EIF2D: variants seen among roughly 807,000 people sequenced by gnomAD.
The protein encoded by EIF2D is hepatocellular carcinoma-associated antigen 56.
EIF2D carries 56 observed loss-of-function variants against 77.4 expected under a neutral mutation model. The observed-to-expected ratio is 0.72, with a 90% CI of 0.58 to 0.90. The LOEUF is 0.90. Ranked by LOEUF, EIF2D falls within the 40% of genes least tolerant of loss-of-function variation. EIF2D has a pLI of 0.00. For missense variants in EIF2D, 574 were observed against 706.5 expected, an observed-to-expected ratio of 0.81 and a Z score of 2.13; for synonymous variants, 230 against 271.0, an observed-to-expected ratio of 0.85 and a Z score of 1.49.
chr1:206,580,089 C>A (rs1553405951), intron 4 of EIF2D, among the ~76,000 whole-genome samples: 1 of 152,302 alleles, frequency 6.6e-6, no homozygotes, highest in East Asian at 1.9e-4. Flanking sequence ...TTTGAGTCAG[C>A]CCTGGAAGGC....
chr1:206,587,241 C>G, downstream of EIF2D: 1 of 428,578 alleles, frequency 2.3e-6, no homozygotes, highest in Non-Finnish European at 4.3e-6. Context: ...CTCTCTCGAT[C>G]TGCAAGCCTT....
At chr1:206,608,405 G>A (rs1478936038) in intron 3 of EIF2D, 79 bp from the exon 4 acceptor site, 16 of 1,191,148 alleles carry the variant, frequency 1.3e-5, no homozygotes, top group African/African-American at 6.2e-5. Context: ...TTCCTCACTC[G>A]CTCAACAAAA....
intron 2 of EIF2D, chr1:206,583,142 G>A (rs1398568879): frequency 4.1e-5 from 27 of 665,386 alleles, no homozygotes; most frequent in Non-Finnish European, 6.3e-5. Context: ...AGTCCGTGCA[G>A]TTAGTTCCAC....
At chr1:206,608,579 CAG>C (rs1449070685) in intron 3 of EIF2D, among the ~76,000 whole-genome samples, 2 of 152,206 alleles carry the variant, frequency 1.3e-5, no homozygotes, top group East Asian at 1.9e-4. Context: ...AAAGGTCAAA[CAG>C]AGTTTGAGTG....
intron 2 of EIF2D, 24 bp downstream of exon 2, chr1:206,611,160 G>A (rs1553413875): frequency 6.3e-7 from 1 of 1,591,094 alleles, no homozygotes; most frequent in Non-Finnish European, 8.6e-7. Flanking sequence ...AATGGTAATG[G>A]CCATCTTCGT....
At chr1:206,600,588 G>C (rs1285235692) in intron 7 of EIF2D, 1 of 383,962 alleles carries the variant, frequency 2.6e-6, no homozygotes, top group Non-Finnish European at 4.7e-6. Flanking sequence ...AGTACTTGAA[G>C]TGTGACTAAT....
At chr1:206,598,334 G>A (rs997685539) in intron 11 of EIF2D, among the ~76,000 whole-genome samples, 6 of 152,030 alleles carry the variant, frequency 3.9e-5, no homozygotes, top group Non-Finnish European at 7.4e-5. Flanking sequence ...CACAGTGTCC[G>A]GCCATTAAAG....
chr1:206,595,848 AAGTTATG>A lies in EIF2D; in HGVS notation c.1389-17_1389-11del, dbSNP rs1669621475. The A allele has an allele frequency of 6.2e-7, 1 of 1,613,692 alleles. No individual in the cohort carries two copies. On this transcript the variant is annotated splice_polypyrimidine_tract_variant and intron_variant, in intron 12 of 14. Coordinates refer to ENST00000271764, the MANE Select transcript of EIF2D (RefSeq NM_006893.3). ...TAATTTTTCCAAACACCTGAAACAG[AAGTTATG>A]AGTTGCAAACTGATAAAGCCAACAG...
At chr1:206,570,077 CCTTTTTTTT>C (rs781841172), downstream of EIF2D, among the ~76,000 whole-genome samples, 2 of 106,964 alleles carry the variant, frequency 1.9e-5, no homozygotes, top group African/African-American at 7.1e-5. Flanking sequence ...ATAAAATTTA[CCTTTTTTTT>C]TTTTTTTTTT....
rs1164927795 is a variant in EIF2D at position 206,597,216 on chromosome 1, A to G, written c.1293-21T>C. 5 of 1,588,354 alleles carry G rather than the reference A, an allele frequency of 3.1e-6. No individual in the cohort carries two copies. In the Admixed American group the frequency reaches 8.3e-5, roughly 27 times the overall value. On this transcript the variant is annotated intron_variant, in intron 11 of 14. Transcript: ENST00000271764. ...CAAGACTAAAGGGAAAGAAGAGGCA[A>G]TGAAGAAATCCTAGACTTGTCCCTT...
At chr1:206,583,936 GGTTTAAGTCTTAAAGGCT>G (rs1668995251) in intron 2 of EIF2D, among the ~76,000 whole-genome samples, 4 of 152,178 alleles carry the variant, frequency 2.6e-5, no homozygotes, top group Admixed American at 2.6e-4. Flanking sequence ...AATGCACCTA[GGTTTAAGTCTTAAAGGCT>G]GTTTCTTAGT....
At chr1:206,611,101 G>A (rs1028750381) in intron 2 of EIF2D, 83 bp downstream of exon 2, 26 of 1,327,886 alleles carry the variant, frequency 2.0e-5, no homozygotes, top group Non-Finnish European at 2.6e-5. Flanking sequence ...TATTTTATGG[G>A]AGACAATGGA....
chr1:206,575,205 C>T (rs1668595988), intron 4 of EIF2D, among the ~76,000 whole-genome samples: 1 of 152,156 alleles, frequency 6.6e-6, no homozygotes, highest in Non-Finnish European at 1.5e-5. Flanking sequence ...GCAAGCACAA[C>T]AGAAGCACCG....
At chr1:206,577,452 T>C (rs141812781) in intron 4 of EIF2D, among the ~76,000 whole-genome samples, 1 of 152,338 alleles carries the variant, frequency 6.6e-6, no homozygotes, top group East Asian at 1.9e-4. Flanking sequence ...CATTTGATTT[T>C]TACCTTCACA....
rs1669011819 is a variant in EIF2D at position 206,584,237 on chromosome 1, C to T, written c.139-3075G>A. 2.7e-6 allele frequency: 2 copies of T among 741,130 alleles called. No individual in the cohort carries two copies. The highest frequency in any genetic ancestry group is 3.6e-5 in the African/African-American group (2 of 56,286). 45.9% of individuals were successfully genotyped at this position (741,130 alleles called of 1,614,324 possible). The stretch of plus-strand genomic sequence containing the variant: ...CAGCCCACTATGGGGAAAGGGATCT[C>T]TGCTCCTTCCTCCAGCTCTCCCACG... On this transcript the variant is annotated intron_variant and NMD_transcript_variant, in intron 2 of 5. Coordinates refer to the EIF2D transcript ENST00000472709. The surrounding 1 kb of genome is among the most constrained non-coding windows in gnomAD (Gnocchi z 4.9).
rs1187419016 is a variant in EIF2D, at chr1:206,591,854, C to G, written c.1685-9G>C. Reference sequence around the variant, plus strand: ...AGGGAGCTGATACTCTTCTACAATCCAAAAAGCACACACTCCTCAGCGGAG... The same window carrying G: ...AGGGAGCTGATACTCTTCTACAATCGAAAAAGCACACACTCCTCAGCGGAG... On this transcript the variant is annotated splice_polypyrimidine_tract_variant and intron_variant, in intron 14 of 14. Transcript: ENST00000271764. The G allele has an allele frequency of 1.2e-6, 2 of 1,613,952 alleles. No individual in the cohort carries two copies. Among genetic ancestry groups the G allele is most frequent in the African/African-American group, 1.3e-5 (1 of 74,902 alleles).
Position 206,599,934 on chromosome 1 carries a change from G to A in EIF2D, c.949-98C>T. 1 of 1,193,726 alleles carries A rather than the reference G, an allele frequency of 8.4e-7. No homozygotes were observed. The highest frequency in any genetic ancestry group is 1.5e-5 in the African/African-American group (1 of 66,854). 73.9% of individuals were successfully genotyped at this position (1,193,726 alleles called of 1,614,324 possible). A position where few individuals can be genotyped will look rare whatever the true frequency, so the allele number is the denominator to read the frequency against. ...GAGTGAGCTAGGCAGGGACTGTGCA[G>A]GGATATGAGACAGCCCCTGCCTTCA... On this transcript the variant is annotated intron_variant, in intron 8 of 14. Transcript: ENST00000271764. The surrounding 1 kb of genome is among the most constrained non-coding windows in gnomAD (Gnocchi z 4.1).
At position 206,603,111 on chromosome 1, in the gene EIF2D, G is replaced by A. The variant is rs782481402; in HGVS notation, c.624C>T (p.Asp208=). The A allele has an allele frequency of 6.2e-7, 1 of 1,614,170 alleles. No individual in the cohort carries two copies. Among genetic ancestry groups the A allele is most frequent in the South Asian group, 1.1e-5 (1 of 91,076 alleles). The part of the protein sequence containing the change: ...LSEEKGSVQM[D]STLQGDMRHM... ...GCCTCATGTCTCCCTGCAGGGTGGA[G>A]TCCATCTGGACAGACCCCTTCTCTT... The change falls in exon 6 of 15, where the codon GAC becomes GAT. Residue 208 remains aspartate (D), a synonymous_variant. Coordinates refer to ENST00000271764, the MANE Select transcript of EIF2D (RefSeq NM_006893.3).
Position 206,591,668 on chromosome 1 carries a change from T to G in EIF2D, c.*107A>C. On this transcript the variant is annotated 3_prime_UTR_variant, in exon 15 of 15. Coordinates refer to ENST00000271764, the MANE Select transcript of EIF2D (RefSeq NM_006893.3). ...TTAGATTAGAATAAAAATTTATTTT[T>G]GTAAAGAATTATATTTTGTATTTGC... 9.8e-7 allele frequency: 1 copy of G among 1,023,398 alleles called. No individual in the cohort carries two copies. The highest frequency in any genetic ancestry group is 2.2e-5 in the Admixed American group (1 of 46,304). 63.4% of individuals were successfully genotyped at this position (1,023,398 alleles called of 1,614,324 possible). A position where few individuals can be genotyped will look rare whatever the true frequency, so the allele number is the denominator to read the frequency against.
Sources: gnomAD v4.1 joint callset for allele counts (sites outside exome capture counted in the v4.1 genomes callset) on GRCh38, gnomAD v4.1.1 for gene constraint, Gnocchi (gnomAD v3.1) non-coding constraint, MANE v1.5 for transcripts, NCBI Gene and HGNC (gene_info 2026-07-23, HGNC 2026-07-21) for gene names.